Variants in TPTE observed in about 807,000 individuals in gnomAD.
The protein encoded by TPTE is transmembrane phosphatase with tensin homology, also known as putative tyrosine-protein phosphatase TPTE.
In TPTE, 59 loss-of-function variants were observed where a neutral mutation model predicts 84.1. The observed-to-expected ratio is 0.70, with a 90% CI of 0.57 to 0.87. The LOEUF (loss-of-function observed/expected upper bound fraction) is 0.87, where lower values mean the gene tolerates loss of function less well. TPTE is among the 40% of genes least tolerant of loss of function. TPTE has a pLI of 0.00. For missense variants in TPTE, 382 were observed against 659.6 expected (o/e 0.58, Z 4.61); for synonymous variants, 130 against 223.5 (o/e 0.58, Z 3.73).
chr21:10,538,646 C>T (rs2074310836), intron 3 of TPTE, 35 bp from the exon 4 acceptor site: 5 of 1,613,828 alleles, frequency 3.1e-6, no homozygotes, highest in Admixed American at 3.3e-5. Context: ...TGAATTGTGT[C>T]TCCTGTCTGA....
chr21:10,601,830 G>A (rs868537562), intron 21 of TPTE, among the ~76,000 whole-genome samples: 240 of 152,026 alleles, frequency 1.6e-3, no homozygotes, highest in African/African-American at 5.3e-3. Context: ...TTCAGCCTGG[G>A]TGACAGTGAG....
intron 17 of TPTE, among the ~76,000 whole-genome samples, chr21:10,586,197 GGCTACAAGTTTTCCTCTAAGAATT>G (rs1347631584): frequency 6.6e-6 from 1 of 152,298 alleles, no homozygotes; most frequent in African/African-American, 2.4e-5. Flanking sequence ...TACCATTTAA[GGCTACAAGTTTTCCTCTAAGAATT>G]GCTTTAGTTT....
chr21:10,545,002 A>T (rs1481025807), intron 7 of TPTE, among the ~76,000 whole-genome samples: 817 of 151,032 alleles, frequency 5.4e-3, no homozygotes, highest in African/African-American at 0.019. Flanking sequence ...TCAAATAAAT[A>T]ACTGATTAAT....
intron 3 of TPTE, among the ~76,000 whole-genome samples, chr21:10,536,801 C>T (rs1381143269): frequency 9.2e-5 from 14 of 152,306 alleles, no homozygotes; most frequent in African/African-American, 3.4e-4. Context: ...TCTTGTCACC[C>T]TTAGTAGCAG....
chr21:10,587,876 G>A (rs2075395011), intron 17 of TPTE, among the ~76,000 whole-genome samples: 1 of 152,290 alleles, frequency 6.6e-6, no homozygotes, highest in African/African-American at 2.4e-5. Context: ...TTGAGATGGA[G>A]TCTTGCTCTG....
chr21:10,576,333 G>T, intron 14 of TPTE: 1 of 239,896 alleles, frequency 4.2e-6, no homozygotes. Flanking sequence ...GTTCAGAAGT[G>T]TGCCCAGTGC....
intron 3 of TPTE, among the ~76,000 whole-genome samples, chr21:10,535,137 G>A (rs2074245576): frequency 6.6e-6 from 1 of 152,310 alleles, no homozygotes; most frequent in South Asian, 2.1e-4. Flanking sequence ...CTCTTGTCTA[G>A]AGTAACTGCA....
intron 4 of TPTE, among the ~76,000 whole-genome samples, chr21:10,539,633 A>T (rs2145611290): frequency 6.6e-6 from 1 of 152,430 alleles, no homozygotes; most frequent in South Asian, 2.1e-4. Context: ...ATAAAGTATG[A>T]TGTGTAGGGT....
At chr21:10,559,734 C>G (rs2074756069) in intron 9 of TPTE, among the ~76,000 whole-genome samples, 190 bp downstream of exon 9, 1 of 152,302 alleles carries the variant, frequency 6.6e-6, no homozygotes, top group Non-Finnish European at 1.5e-5. Flanking sequence ...ATTAGCCAAG[C>G]ATAATGGTGG....
chr21:10,562,075 A>G (rs1489904284), intron 10 of TPTE, among the ~76,000 whole-genome samples: 2 of 152,310 alleles, frequency 1.3e-5, no homozygotes, highest in East Asian at 3.8e-4. Flanking sequence ...AAGTAAGGGA[A>G]GAAAACAAGA....
At chr21:10,539,465 T>C (rs1347070350) in intron 4 of TPTE, among the ~76,000 whole-genome samples, 2 of 152,306 alleles carry the variant, frequency 1.3e-5, no homozygotes, top group African/African-American at 2.4e-5. Context: ...AAGTGGGCCA[T>C]AGATGGGATT....
chr21:10,571,668 CCAGA>C (rs1169840161), intron 14 of TPTE, among the ~76,000 whole-genome samples: 2 of 152,302 alleles, frequency 1.3e-5, no homozygotes, highest in African/African-American at 4.8e-5. Flanking sequence ...TCATTAAAAA[CCAGA>C]CAGAGATTGT....
At chr21:10,529,711 G>A (rs943427458) in intron 3 of TPTE, among the ~76,000 whole-genome samples, 27 of 152,408 alleles carry the variant, frequency 1.8e-4, no homozygotes, top group Non-Finnish European at 2.9e-4. Context: ...GTGGTTGAGA[G>A]GTATTGCCAG....
intron 17 of TPTE, among the ~76,000 whole-genome samples, chr21:10,587,267 T>G (rs1454065077): frequency 6.6e-6 from 1 of 152,310 alleles, no homozygotes; most frequent in Non-Finnish European, 1.5e-5. Context: ...ACAGGTTTAT[T>G]GGTAATATTG....
chr21:10,540,480 C>T (rs562213724), intron 4 of TPTE, among the ~76,000 whole-genome samples: 2 of 152,426 alleles, frequency 1.3e-5, no homozygotes, highest in African/African-American at 4.8e-5. Flanking sequence ...ATGAGACTTT[C>T]CTAGTAGCAT....
At chr21:10,539,942 G>A (rs1343337143) in intron 4 of TPTE, among the ~76,000 whole-genome samples, 1 of 152,308 alleles carries the variant, frequency 6.6e-6, no homozygotes, top group East Asian at 1.9e-4. Flanking sequence ...CCGGGAGGCA[G>A]AGGTTGCAGT....
At position 10,542,403 on chromosome 21, in the gene TPTE, C is replaced by T; in HGVS notation, c.74C>T (p.Thr25Ile). The change falls in exon 6 of 24, where the codon ACA becomes ATA. Residue 25 changes from threonine to isoleucine, a missense_variant. Around this residue, in one of 10 missense-constraint regions of TPTE, gnomAD observed 63 missense variants for 49.5 expected, o/e 1.27. Transcript: ENST00000618007. ...IELGPNDSPQ[T>I]SEFKGATEEA... ...CTCTTATCATCCACTAGTCCACAGA[C>T]AAGTGAATTTAAAGGAGCAACCGAG... 4 of 1,611,674 alleles carry T rather than the reference C, an allele frequency of 2.5e-6. No individual in the cohort carries two copies. The highest frequency in any genetic ancestry group is 2.5e-6 in the Non-Finnish European group (3 of 1,178,276).
chr21:10,566,657 G>A (rs1057257918), intron 10 of TPTE, among the ~76,000 whole-genome samples: 1 of 152,304 alleles, frequency 6.6e-6, no homozygotes, highest in Admixed American at 6.5e-5. Flanking sequence ...ATATACACAA[G>A]AGAGTATTAT....
At chr21:10,543,014 CTTTTTTT>C (rs1051322060) in intron 6 of TPTE, among the ~76,000 whole-genome samples, 3 of 72,288 alleles carry the variant, frequency 4.2e-5, no homozygotes, top group African/African-American at 1.1e-4. Flanking sequence ...TGACTGTATT[CTTTTTTT>C]TTTTTTTTTT....
Sources: allele counts gnomAD v4.1 joint callset (sites outside exome capture counted in the v4.1 genomes callset), GRCh38; gene constraint gnomAD v4.1.1; regional missense constraint gnomAD v4.1.1; transcripts MANE v1.5; gene names NCBI Gene and HGNC (gene_info 2026-07-23, HGNC 2026-07-21).